MAP6: variants seen among roughly 807,000 people sequenced by gnomAD.
MAP6 encodes the protein microtubule-associated protein 6.
MAP6 carries 26 observed loss-of-function variants against 42.4 expected under a neutral mutation model. The observed-to-expected ratio is 0.61, with a 90% confidence interval of 0.45 to 0.85. The LOEUF (loss-of-function observed/expected upper bound fraction) is 0.85, where lower values mean the gene tolerates loss of function less well. Among genes scored for constraint, MAP6 ranks in the 40% least tolerant of loss-of-function variants. MAP6 has a pLI of 0.00. For synonymous variants in MAP6, 418 were observed against 443.8 expected, an observed-to-expected ratio of 0.94 and a Z score of 0.73; for missense variants, 966 against 1,099.0, an observed-to-expected ratio of 0.88 and a Z score of 1.71.
chr11:75,637,867 G>A (rs1226736988), intron 1 of MAP6, among the ~76,000 whole-genome samples: 1 of 131,518 alleles, frequency 7.6e-6, no homozygotes, highest in African/African-American at 2.8e-5. Context: ...AAGGAGGGAG[G>A]GAAGGAAGGA....
intron 1 of MAP6, among the ~76,000 whole-genome samples, chr11:75,663,044 C>T (rs1330932785): frequency 6.6e-6 from 1 of 151,766 alleles, no homozygotes; most frequent in Non-Finnish European, 1.5e-5. Context: ...TCACTGCAAC[C>T]TCCGCCTCCC....
At chr11:75,634,338 G>C (rs763110963) in intron 1 of MAP6, among the ~76,000 whole-genome samples, 1 of 152,174 alleles carries the variant, frequency 6.6e-6, no homozygotes, top group African/African-American at 2.4e-5. Context: ...GTGCCAGGGC[G>C]TGATCTTGGC....
intron 1 of MAP6, among the ~76,000 whole-genome samples, chr11:75,660,991 A>G (rs1192367371): frequency 1.3e-5 from 2 of 152,132 alleles, no homozygotes; most frequent in Non-Finnish European, 2.9e-5. Context: ...GCGAGAAGGT[A>G]CAAATAAATA....
At chr11:75,612,829 C>T (rs570166848) in intron 1 of MAP6, among the ~76,000 whole-genome samples, 1 of 152,330 alleles carries the variant, frequency 6.6e-6, no homozygotes, top group East Asian at 1.9e-4. Context: ...GGAACCTCTC[C>T]TGGGTTACTC....
intron 1 of MAP6, among the ~76,000 whole-genome samples, chr11:75,619,507 C>T (rs141610058): frequency 0.016 from 2,454 of 152,232 alleles, 65 homozygotes; most frequent in African/African-American, 0.053. Flanking sequence ...TCCCTCTTCC[C>T]ACCTTCCACC....
chr11:75,655,533 G>A (rs1319312002), intron 1 of MAP6, among the ~76,000 whole-genome samples: 3 of 152,208 alleles, frequency 2.0e-5, no homozygotes, highest in Admixed American at 6.5e-5. Context: ...GCATCAGATT[G>A]GTCAGATAAT....
At chr11:75,640,204 C>T (rs1448954197) in intron 1 of MAP6, among the ~76,000 whole-genome samples, 1 of 148,866 alleles carries the variant, frequency 6.7e-6, no homozygotes, top group Non-Finnish European at 1.5e-5. Context: ...CCCACACACA[C>T]ACTCACACAC....
In MAP6 at chr11:75,605,870, G is replaced by A; in HGVS notation, c.1254C>T (p.Thr418=). Residue 418 remains threonine (T), a synonymous_variant, in exon 3 of 4, where the codon ACC becomes ACT. Transcript: ENST00000304771. ...TTTGCTCCTTGTCGTCTGGCTTGGT[G>A]GTACTCGGGCCCTCCGCGCTCTTTT... ...AKKKSAEGPS[T]TKPDDKEQSK... The A allele has an allele frequency of 6.2e-7, 1 of 1,614,172 alleles. No homozygotes were observed. Among genetic ancestry groups the A allele is most frequent in the Non-Finnish European group, 8.5e-7 (1 of 1,180,040 alleles).
At chr11:75,666,514 A>G (rs944139549) in intron 1 of MAP6, among the ~76,000 whole-genome samples, 1 of 152,040 alleles carries the variant, frequency 6.6e-6, no homozygotes, top group African/African-American at 2.4e-5. Flanking sequence ...AGGAGAGAGA[A>G]AGAAGATGCC....
At chr11:75,598,067 C>T (rs1942612656) in intron 3 of MAP6, among the ~76,000 whole-genome samples, 1 of 152,190 alleles carries the variant, frequency 6.6e-6, no homozygotes, top group Admixed American at 6.5e-5. Context: ...CCCTTGCTTT[C>T]AGAGCTCTTG....
At chr11:75,610,630 G>T (rs1942880319) in intron 1 of MAP6, among the ~76,000 whole-genome samples, 1 of 152,350 alleles carries the variant, frequency 6.6e-6, no homozygotes, top group South Asian at 2.1e-4. Context: ...GGATGAGTGT[G>T]GCCAGGTTAG....
intron 1 of MAP6, among the ~76,000 whole-genome samples, chr11:75,666,564 T>C (rs1197981986): frequency 6.6e-6 from 1 of 152,126 alleles, no homozygotes; most frequent in Non-Finnish European, 1.5e-5. Context: ...GGAAGTAGGA[T>C]CATAAGGTAT....
chr11:75,646,437 G>C (rs181298787), intron 1 of MAP6, among the ~76,000 whole-genome samples: 1 of 150,546 alleles, frequency 6.6e-6, no homozygotes. Context: ...CGAGGCAGGC[G>C]GGTCACTTGA....
chr11:75,657,895 C>A (rs1590809691), intron 1 of MAP6, among the ~76,000 whole-genome samples: 1 of 152,206 alleles, frequency 6.6e-6, no homozygotes, highest in Non-Finnish European at 1.5e-5. Context: ...AGGCTATACT[C>A]CCCATTCCAA....
At chr11:75,661,101 T>C (rs571946219) in intron 1 of MAP6, among the ~76,000 whole-genome samples, 1 of 152,056 alleles carries the variant, frequency 6.6e-6, no homozygotes, top group South Asian at 2.1e-4. Context: ...AATTATAAAA[T>C]TAGAAGAAAT....
At chr11:75,593,986 GA>G (rs35556315) in intron 3 of MAP6, 68,016 of 151,978 alleles carry the variant, frequency 0.45, 15,768 homozygotes, top group Middle Eastern at 0.6. Flanking sequence ...ACCTTCTAGG[GA>G]GGATTAGCTT....
intron 1 of MAP6, among the ~76,000 whole-genome samples, chr11:75,658,388 A>C: frequency 1.3e-5 from 1 of 78,936 alleles, no homozygotes. Context: ...AGTGTATACC[A>C]TTTCTCCACC....
chr11:75,653,912 T>C (rs1943693787), intron 1 of MAP6, among the ~76,000 whole-genome samples: 1 of 152,254 alleles, frequency 6.6e-6, no homozygotes, highest in African/African-American at 2.4e-5. Context: ...AGTTGCCATT[T>C]ATTGAGTGCT....
intron 3 of MAP6, chr11:75,603,130 G>A (rs1296898512): frequency 4.1e-6 from 4 of 985,444 alleles, no homozygotes; most frequent in South Asian, 4.7e-5. Context: ...TATGTGGACC[G>A]AATGGGAGCA....
Sources: gnomAD v4.1 joint callset for allele counts (sites outside exome capture counted in the v4.1 genomes callset) on GRCh38, gnomAD v4.1.1 for gene constraint, MANE v1.5 for transcripts, NCBI Gene and HGNC (gene_info 2026-07-23, HGNC 2026-07-21) for gene names.